The following HECW2 variants were observed in gnomAD, a reference collection of about 807,000 sequenced individuals.
HECW2 encodes HECT, C2 and WW domain containing E3 ubiquitin protein ligase 2, also known as E3 ubiquitin-protein ligase HECW2.
HECW2 carries 61 observed loss-of-function variants against 175.2 expected under a neutral mutation model. The ratio of observed to expected loss-of-function variants is 0.35; its 90% CI spans 0.28 to 0.43. The LOEUF is 0.43. HECW2 is among the 20% of genes least tolerant of loss of function. HECW2 has a pLI of 1.00. For synonymous variants in HECW2, 671 were observed against 731.0 expected (o/e 0.92, Z 1.32); for missense variants, 1,524 against 2,000.5 (o/e 0.76, Z 4.54).
chr2:196,539,989 C>T (rs1376416968), intron 1 of HECW2, among the ~76,000 whole-genome samples: 1 of 152,164 alleles, frequency 6.6e-6, no homozygotes, highest in African/African-American at 2.4e-5. Flanking sequence ...TTCAGGACAG[C>T]GGATGAATGA....
chr2:196,220,298 C>T (rs1227188982), intron 25 of HECW2, 145 bp from the exon 26 acceptor site: 5 of 621,098 alleles, frequency 8.1e-6, no homozygotes, highest in South Asian at 7.8e-5. Flanking sequence ...GTAAAGCTCC[C>T]TACAAATATA....
intron 1 of HECW2, among the ~76,000 whole-genome samples, chr2:196,567,034 CT>C (rs1690214295): frequency 6.6e-6 from 1 of 152,138 alleles, no homozygotes; most frequent in South Asian, 2.1e-4. Flanking sequence ...CTGCCTGCCC[CT>C]GACTGAGTGC....
intron 13 of HECW2, among the ~76,000 whole-genome samples, chr2:196,295,236 G>A (rs976808230): frequency 1.3e-5 from 2 of 152,154 alleles, no homozygotes; most frequent in African/African-American, 4.8e-5. Flanking sequence ...AGCATGAGAG[G>A]ATAGGAAAGT....
intron 21 of HECW2, among the ~76,000 whole-genome samples, chr2:196,235,792 G>A (rs1366640537): frequency 6.6e-6 from 1 of 151,466 alleles, no homozygotes; most frequent in Admixed American, 6.6e-5. Flanking sequence ...AGTAGCTGGG[G>A]ACTACAGGCA....
intron 14 of HECW2, among the ~76,000 whole-genome samples, chr2:196,279,815 A>G (rs1415170659): frequency 6.6e-6 from 1 of 152,232 alleles, no homozygotes; most frequent in Non-Finnish European, 1.5e-5. Flanking sequence ...TTACAAAAAC[A>G]TGTCTCCTTC....
intron 1 of HECW2, among the ~76,000 whole-genome samples, chr2:196,484,091 G>T (rs1228939683): frequency 6.6e-6 from 1 of 152,168 alleles, no homozygotes; most frequent in Non-Finnish European, 1.5e-5. Context: ...TAAGTTTCCA[G>T]GTAAGTTTGG....
intron 1 of HECW2, among the ~76,000 whole-genome samples, chr2:196,477,950 G>T (rs1486907245): frequency 6.6e-6 from 1 of 152,168 alleles, no homozygotes; most frequent in Admixed American, 6.5e-5. Flanking sequence ...TACTAGGGGG[G>T]CTGAGGCAGA....
intron 1 of HECW2, among the ~76,000 whole-genome samples, chr2:196,435,736 A>G (rs1271231392): frequency 6.6e-6 from 1 of 152,202 alleles, no homozygotes; most frequent in Non-Finnish European, 1.5e-5. Context: ...CTATGATCTT[A>G]GACAATTTAT....
chr2:196,199,161 C>T lies in HECW2; in HGVS notation c.*2116G>A, dbSNP rs932174503. The T allele has an allele frequency of 2.0e-5, 3 of 152,428 alleles. No individual in the cohort carries two copies. The highest frequency in any genetic ancestry group is 1.9e-4 in the East Asian group (1 of 5,190). The allele number at this position is 152,428 out of a possible 1,614,324, so 9.4% of individuals were successfully genotyped here. A position where few individuals can be genotyped will look rare whatever the true frequency, so the allele number is the denominator to read the frequency against. On this transcript the variant is annotated 3_prime_UTR_variant, in exon 29 of 29. Coordinates refer to ENST00000644978, the MANE Select transcript of HECW2 (RefSeq NM_001348768.2). ...TGCTTGGAGAATGCCAGCCCTGAAA[C>T]ATCTTGTATACCATCAAATATGTGA...
intron 28 of HECW2, among the ~76,000 whole-genome samples, chr2:196,202,246 A>G (rs1277063467): frequency 6.6e-6 from 1 of 152,170 alleles, no homozygotes; most frequent in Non-Finnish European, 1.5e-5. Flanking sequence ...TGAATAAGAA[A>G]TTTTAGGAAC....
chr2:196,579,657 G>A (rs571101591), intron 1 of HECW2, among the ~76,000 whole-genome samples: 2 of 152,102 alleles, frequency 1.3e-5, no homozygotes, highest in Admixed American at 6.6e-5. Flanking sequence ...AGTTCAAAAT[G>A]TAACTAAATT....
intron 1 of HECW2, among the ~76,000 whole-genome samples, chr2:196,520,844 CAGA>C (rs1398495047): frequency 6.6e-6 from 1 of 152,076 alleles, no homozygotes; most frequent in East Asian, 1.9e-4. Flanking sequence ...TCAGTTCACA[CAGA>C]AGGACACGCA....
intron 2 of HECW2, among the ~76,000 whole-genome samples, chr2:196,384,349 G>A (rs1384176464): frequency 6.6e-6 from 1 of 152,120 alleles, no homozygotes; most frequent in Non-Finnish European, 1.5e-5. Flanking sequence ...GGGAGGCCGA[G>A]GCAGGAGGAT....
chr2:196,579,148 A>G (rs1417335332), intron 1 of HECW2, among the ~76,000 whole-genome samples: 3 of 151,518 alleles, frequency 2.0e-5, no homozygotes, highest in African/African-American at 7.3e-5. Context: ...TGTTTTAAGT[A>G]AAGAAGTTAA....
At chr2:196,303,365 T>C (rs543260804) in intron 13 of HECW2, among the ~76,000 whole-genome samples, 2 of 152,336 alleles carry the variant, frequency 1.3e-5, no homozygotes, top group South Asian at 2.1e-4. Flanking sequence ...GGCCTGAAGT[T>C]TTCTTTTTCT....
intron 1 of HECW2, among the ~76,000 whole-genome samples, chr2:196,470,887 GA>G (rs1445348877): frequency 2.0e-5 from 3 of 147,020 alleles, no homozygotes; most frequent in South Asian, 4.3e-4. Flanking sequence ...AACTCAGAAA[GA>G]AAAAAAGAAA....
chr2:196,426,722 G>A (rs1201773814), intron 2 of HECW2, among the ~76,000 whole-genome samples: 1 of 152,044 alleles, frequency 6.6e-6, no homozygotes, highest in African/African-American at 2.4e-5. Context: ...TGAAGACTTG[G>A]AACATAGGAC....
intron 2 of HECW2, among the ~76,000 whole-genome samples, chr2:196,419,201 T>C (rs1695340796): frequency 6.6e-6 from 1 of 152,120 alleles, no homozygotes; most frequent in Non-Finnish European, 1.5e-5. Flanking sequence ...AGCGATATTA[T>C]AAAATACCTA....
chr2:196,442,354 G>C (rs1449714907), intron 1 of HECW2, among the ~76,000 whole-genome samples: 1 of 152,166 alleles, frequency 6.6e-6, no homozygotes, highest in African/African-American at 2.4e-5. Context: ...AAAATGCAGT[G>C]AGAAACAACA....
Sources: gnomAD v4.1 joint callset for allele counts (sites outside exome capture counted in the v4.1 genomes callset) on GRCh38, gnomAD v4.1.1 for gene constraint, MANE v1.5 for transcripts, NCBI Gene and HGNC (gene_info 2026-07-23, HGNC 2026-07-21) for gene names.